The following MPPED1 variants were observed in gnomAD, a reference collection of about 807,000 sequenced individuals.
MPPED1 encodes metallophosphoesterase domain-containing protein 1.
Under a neutral mutation model 36.2 loss-of-function variants are expected in MPPED1, and 16 were observed. The observed-to-expected ratio is 0.44, with a 90% CI of 0.30 to 0.67. MPPED1 has a LOEUF of 0.67. Among genes scored for constraint, MPPED1 ranks in the 30% least tolerant of loss-of-function variants. MPPED1 has a pLI of 0.10. For missense variants in MPPED1, 307 were observed against 453.4 expected (o/e 0.68, Z 2.93); for synonymous variants, 199 against 191.3 (o/e 1.04, Z -0.33).
chr22:43,505,367 C>G (rs1932787176), intron 6 of MPPED1, 131 bp from the exon 7 acceptor site: 1 of 678,858 alleles, frequency 1.5e-6, no homozygotes, highest in East Asian at 2.8e-5. Context: ...AAGGGACTGA[C>G]CTCGAGAGTT....
At chr22:43,449,345 A>C (rs1265572618) in intron 3 of MPPED1, among the ~76,000 whole-genome samples, 1 of 151,940 alleles carries the variant, frequency 6.6e-6, no homozygotes, top group Admixed American at 6.6e-5. Context: ...TGGTTTCTGG[A>C]GGTCACGCAG....
intron 4 of MPPED1, among the ~76,000 whole-genome samples, chr22:43,494,261 C>T (rs1307598401): frequency 6.6e-6 from 1 of 152,188 alleles, no homozygotes; most frequent in Admixed American, 6.5e-5. Context: ...GCTGGTCTTG[C>T]ATTCGAGGGC....
At chr22:43,435,349 C>A in intron 3 of MPPED1, 134 bp downstream of exon 3, 1 of 889,822 alleles carries the variant, frequency 1.1e-6, no homozygotes, top group Non-Finnish European at 1.7e-6. Context: ...TGCCTGGTCA[C>A]CCTCCCTGAC....
At chr22:43,459,541 T>C (rs1021485070) in intron 3 of MPPED1, among the ~76,000 whole-genome samples, 1 of 152,254 alleles carries the variant, frequency 6.6e-6, no homozygotes, top group African/African-American at 2.4e-5. Flanking sequence ...TTCCTCAAAC[T>C]GGATGATTTC....
At chr22:43,424,430 G>A (rs1378365203) in intron 1 of MPPED1, among the ~76,000 whole-genome samples, 3 of 152,152 alleles carry the variant, frequency 2.0e-5, no homozygotes, top group East Asian at 1.9e-4. Context: ...GGGTGTGGGC[G>A]TGGGGCCATG....
At chr22:43,445,981 C>G (rs1292993403) in intron 3 of MPPED1, among the ~76,000 whole-genome samples, 1 of 150,272 alleles carries the variant, frequency 6.7e-6, no homozygotes, top group African/African-American at 2.5e-5. Flanking sequence ...GGTGATTCTC[C>G]CGCCTTAGCC....
chr22:43,460,547 C>G (rs999680914), intron 3 of MPPED1, among the ~76,000 whole-genome samples: 63 of 152,014 alleles, frequency 4.1e-4, no homozygotes, highest in Admixed American at 4.1e-3. Context: ...CAGATCCCAC[C>G]CCCTGCACCA....
At chr22:43,430,928 A>G (rs1417231714) in intron 2 of MPPED1, among the ~76,000 whole-genome samples, 3 of 150,612 alleles carry the variant, frequency 2.0e-5, no homozygotes, top group Non-Finnish European at 4.4e-5. Flanking sequence ...ACTGGCCCAT[A>G]TTAAGAATTT....
intron 2 of MPPED1, among the ~76,000 whole-genome samples, chr22:43,433,598 G>A (rs1929843780): frequency 6.7e-6 from 1 of 150,098 alleles, no homozygotes; most frequent in African/African-American, 2.4e-5. Context: ...CCCAGGAAGG[G>A]GCCCCGGGTG....
intron 3 of MPPED1, among the ~76,000 whole-genome samples, chr22:43,466,854 C>T (rs1171006261): frequency 1.3e-5 from 2 of 152,206 alleles, no homozygotes; most frequent in Non-Finnish European, 2.9e-5. Flanking sequence ...GCCCATGTTT[C>T]CCCCTCACCC....
chr22:43,443,217 T>A (rs1033460661), intron 3 of MPPED1, among the ~76,000 whole-genome samples: 2 of 152,130 alleles, frequency 1.3e-5, no homozygotes, highest in Non-Finnish European at 2.9e-5. Context: ...TGCTGCACAG[T>A]GGAGGCCTGT....
At chr22:43,459,965 T>C (rs1930888213) in intron 3 of MPPED1, among the ~76,000 whole-genome samples, 1 of 152,116 alleles carries the variant, frequency 6.6e-6, no homozygotes. Context: ...TCCCAGCACT[T>C]TGGGAGGCCA....
At chr22:43,472,850 GCA>G (rs1931423139) in intron 3 of MPPED1, among the ~76,000 whole-genome samples, 5 of 152,298 alleles carry the variant, frequency 3.3e-5, no homozygotes, top group African/African-American at 1.2e-4. Flanking sequence ...TTATAACGGG[GCA>G]CTGGACCCTT....
At chr22:43,422,958 T>A (rs1370426442) in intron 1 of MPPED1, among the ~76,000 whole-genome samples, 2 of 152,170 alleles carry the variant, frequency 1.3e-5, no homozygotes, top group Non-Finnish European at 2.9e-5. Flanking sequence ...TGCCTCACCC[T>A]CTCAAGTAGC....
chr22:43,437,710 C>A (rs1290066781), intron 3 of MPPED1, among the ~76,000 whole-genome samples: 1 of 152,224 alleles, frequency 6.6e-6, no homozygotes, highest in Admixed American at 6.5e-5. Flanking sequence ...CCTCGCATCC[C>A]TCCAAATGTT....
chr22:43,437,312 T>G (rs1929995168), intron 3 of MPPED1, among the ~76,000 whole-genome samples: 1 of 152,236 alleles, frequency 6.6e-6, no homozygotes, highest in Non-Finnish European at 1.5e-5. Flanking sequence ...ATTTAGTATG[T>G]GCTGGGTGCT....
intron 3 of MPPED1, among the ~76,000 whole-genome samples, chr22:43,465,891 A>G (rs924486416): frequency 1.3e-5 from 2 of 152,166 alleles, no homozygotes; most frequent in Non-Finnish European, 2.9e-5. Flanking sequence ...CCCCTGGGGA[A>G]GCCGGGGGCC....
At chr22:43,428,120 G>T (rs1423703507) in intron 2 of MPPED1, among the ~76,000 whole-genome samples, 1 of 152,178 alleles carries the variant, frequency 6.6e-6, no homozygotes, top group Non-Finnish European at 1.5e-5. Context: ...TGGATGGCAG[G>T]CAGTTAGCAG....
intron 3 of MPPED1, among the ~76,000 whole-genome samples, chr22:43,466,064 G>A (rs1320897065): frequency 1.3e-5 from 2 of 152,180 alleles, no homozygotes; most frequent in East Asian, 3.8e-4. Flanking sequence ...CAGTAGCAGT[G>A]GAAACAAGCA....
Sources: allele counts gnomAD v4.1 joint callset (sites outside exome capture counted in the v4.1 genomes callset), GRCh38; gene constraint gnomAD v4.1.1; transcripts MANE v1.5; gene names NCBI Gene and HGNC (gene_info 2026-07-23, HGNC 2026-07-21).